The following NRF1 variants were observed in gnomAD, a reference collection of about 807,000 sequenced individuals.
NRF1 encodes nuclear respiratory factor 1.
A neutral mutation model predicts 58.5 loss-of-function variants in NRF1; 5 were observed. The observed-to-expected ratio is 0.09, with a 90% confidence interval of 0.04 to 0.18. The LOEUF is 0.18. Among genes scored for constraint, NRF1 ranks in the 10% least tolerant of loss-of-function variants. NRF1 has a pLI of 1.00. For synonymous variants in NRF1, 224 were observed against 246.7 expected, an observed-to-expected ratio of 0.91 and a Z score of 0.86; for missense variants, 288 against 657.7, an observed-to-expected ratio of 0.44 and a Z score of 6.15.
rs1355099173 is a variant in NRF1, at chr7:129,741,066, T to C, written c.1348+13701T>C. Among the ~76,000 whole-genome samples the C allele has an allele frequency of 6.6e-5, 10 of 152,186 alleles. No homozygotes were observed. The highest frequency in any genetic ancestry group is 6.5e-4 in the Admixed American group (10 of 15,282). ...GTCCCTTTGGCATACCTTCATGTCCTCTTTTTTTTGTTTTTCTGTACTTCA... is the reference window on the plus strand; with the variant it reads ...GTCCCTTTGGCATACCTTCATGTCCCCTTTTTTTTGTTTTTCTGTACTTCA... On this transcript the variant is annotated intron_variant, in intron 10 of 10. Coordinates refer to ENST00000393232, the MANE Select transcript of NRF1 (RefSeq NM_005011.5). This position sits in a 1 kb window ranked among gnomAD's most constrained non-coding sequence, Gnocchi z 4.0.
At chr7:129,669,676 T>C (rs1171711408) in intron 2 of NRF1, among the ~76,000 whole-genome samples, 1 of 152,128 alleles carries the variant, frequency 6.6e-6, no homozygotes, top group Non-Finnish European at 1.5e-5. Flanking sequence ...TCAACTATTA[T>C]CAAAAATATA....
chr7:129,745,819 C>T (rs548322713), intron 10 of NRF1, among the ~76,000 whole-genome samples: 33 of 152,240 alleles, frequency 2.2e-4, no homozygotes, highest in African/African-American at 7.7e-4. Flanking sequence ...CATTGTATCT[C>T]CAAAATAGGT....
chr7:129,649,125 T>G (rs1157090765), intron 1 of NRF1, among the ~76,000 whole-genome samples: 3 of 152,212 alleles, frequency 2.0e-5, no homozygotes, highest in Non-Finnish European at 4.4e-5. Context: ...GTGGAATTGT[T>G]TTTAATTTTT....
intron 4 of NRF1, among the ~76,000 whole-genome samples, chr7:129,679,216 C>T (rs1213547358): frequency 6.6e-6 from 1 of 152,190 alleles, no homozygotes; most frequent in Non-Finnish European, 1.5e-5. Flanking sequence ...CATAGATGTT[C>T]TTTCAGGTTG....
intron 5 of NRF1, among the ~76,000 whole-genome samples, chr7:129,691,570 G>A (rs866745736): frequency 2.0e-5 from 3 of 150,364 alleles, no homozygotes; most frequent in African/African-American, 4.9e-5. Context: ...AGCCAGGATC[G>A]TCTCAAACTC....
At chr7:129,654,105 TC>T (rs1801598877) in intron 1 of NRF1, among the ~76,000 whole-genome samples, 1 of 152,220 alleles carries the variant, frequency 6.6e-6, no homozygotes, top group Non-Finnish European at 1.5e-5. Flanking sequence ...GAAATAGAGT[TC>T]CTGTTGCTCC....
intron 1 of NRF1, among the ~76,000 whole-genome samples, chr7:129,635,875 A>T (rs1801160141): frequency 6.6e-6 from 1 of 151,646 alleles, no homozygotes; most frequent in Non-Finnish European, 1.5e-5. Context: ...TTTTTTTATT[A>T]GGGTCACAGA....
intron 10 of NRF1, among the ~76,000 whole-genome samples, chr7:129,742,958 CTGTT>C (rs1562991014): frequency 6.6e-6 from 1 of 152,196 alleles, no homozygotes; most frequent in Non-Finnish European, 1.5e-5. Flanking sequence ...GTGGACCACA[CTGTT>C]TGAGGTTGGT....
intron 9 of NRF1, 77 bp from the exon 10 acceptor site, chr7:129,727,164 C>T: frequency 7.0e-7 from 1 of 1,435,536 alleles, no homozygotes; most frequent in Middle Eastern, 2.3e-4. Context: ...CCAAGGAAGG[C>T]ATTGAAAGGA....
intron 10 of NRF1, among the ~76,000 whole-genome samples, chr7:129,746,474 C>A (rs1404569700): frequency 6.6e-6 from 1 of 152,194 alleles, no homozygotes; most frequent in Non-Finnish European, 1.5e-5. Flanking sequence ...CTGGCACATA[C>A]CATGCCTGTT....
chr7:129,623,709 T>C (rs1800854956), intron 1 of NRF1, among the ~76,000 whole-genome samples: 1 of 152,206 alleles, frequency 6.6e-6, no homozygotes, highest in South Asian at 2.1e-4. Context: ...AATCATTTCT[T>C]AGTGACTGCA....
At chr7:129,634,042 A>AATTT (rs1562954898) in intron 1 of NRF1, among the ~76,000 whole-genome samples, 2 of 91,388 alleles carry the variant, frequency 2.2e-5, no homozygotes, top group Admixed American at 1.1e-4. Flanking sequence ...AAAAAAAAAA[A>AATTT]GATATATATA....
chr7:129,685,461 A>G (rs1802422627), intron 4 of NRF1, among the ~76,000 whole-genome samples: 1 of 152,130 alleles, frequency 6.6e-6, no homozygotes, highest in South Asian at 2.1e-4. Flanking sequence ...CATCTCTGGT[A>G]ATTATAAAAT....
chr7:129,687,702 C>T (rs1352085517), intron 4 of NRF1, among the ~76,000 whole-genome samples: 2 of 152,244 alleles, frequency 1.3e-5, no homozygotes, highest in African/African-American at 4.8e-5. Flanking sequence ...CAAACATGTT[C>T]ACATGGCTGC....
chr7:129,750,599 C>G (rs2116323367), intron 10 of NRF1, among the ~76,000 whole-genome samples: 1 of 152,344 alleles, frequency 6.6e-6, no homozygotes, highest in South Asian at 2.1e-4. Context: ...TATGAAATGA[C>G]TCCCATCATG....
intron 10 of NRF1, among the ~76,000 whole-genome samples, chr7:129,747,729 A>G (rs1804013504): frequency 6.6e-6 from 1 of 152,180 alleles, no homozygotes; most frequent in Non-Finnish European, 1.5e-5. Context: ...GGAAGCCTTT[A>G]ATGGAAATAA....
chr7:129,681,603 G>A (rs1007538540), intron 4 of NRF1, among the ~76,000 whole-genome samples: 4 of 152,034 alleles, frequency 2.6e-5, no homozygotes, highest in African/African-American at 7.2e-5. Context: ...AGACAAGGTC[G>A]CACTCAGTTG....
chr7:129,662,699 G>A (rs970179649), intron 2 of NRF1, among the ~76,000 whole-genome samples: 4 of 152,074 alleles, frequency 2.6e-5, no homozygotes, highest in Non-Finnish European at 2.9e-5. Flanking sequence ...CGAGATGCCC[G>A]AGGGCACTAG....
intron 3 of NRF1, 72 bp downstream of exon 3, chr7:129,671,615 G>A: frequency 1.2e-6 from 1 of 831,440 alleles, no homozygotes; most frequent in South Asian, 1.5e-5. Flanking sequence ...TAGAACATAT[G>A]TGATTAGGTT....
Sources: gnomAD v4.1 joint callset for allele counts (sites outside exome capture counted in the v4.1 genomes callset) on GRCh38, gnomAD v4.1.1 for gene constraint, Gnocchi (gnomAD v3.1) non-coding constraint, MANE v1.5 for transcripts, NCBI Gene and HGNC (gene_info 2026-07-23, HGNC 2026-07-21) for gene names.